Variants in SIAE observed in about 807,000 individuals in gnomAD.
SIAE encodes the protein sialate O-acetylesterase.
In SIAE, 39 loss-of-function variants were observed where a neutral mutation model predicts 52.6. The ratio of observed to expected loss-of-function variants is 0.74; its 90% CI spans 0.57 to 0.97. SIAE has a LOEUF of 0.97. Ranked by LOEUF, SIAE falls within the 50% of genes least tolerant of loss-of-function variation. SIAE has a pLI of 0.00. For missense variants in SIAE, 592 were observed against 662.1 expected (o/e 0.89, Z 1.16); for synonymous variants, 233 against 241.4 (o/e 0.97, Z 0.32).
Position 124,648,085 on chromosome 11 carries a change from T to C in SIAE, c.813A>G (p.Lys271=), listed in dbSNP as rs770002484. 1.3e-5 allele frequency: 21 copies of C among 1,613,732 alleles called. No homozygotes were observed. The highest frequency in any genetic ancestry group is 6.7e-5 in the Admixed American group (4 of 60,022). ...MIHPLCNMTL[K]GVVWYQGESN... is the part of the protein sequence containing the mutation. ...ACTTACCCTGGTACCATACTACCCC[T>C]TTCAGAGTCATATTGCACAGTGGAT... Residue 271 remains lysine, a synonymous_variant, in exon 6 of 10, where the codon AAA becomes AAG. Transcript: ENST00000263593.
Position 124,649,784 on chromosome 11 carries a change from T to G in SIAE, c.557A>C (p.His186Pro), listed in dbSNP as rs887491328. 3.7e-6 allele frequency: 6 copies of G among 1,614,054 alleles called. No individual in the cohort carries two copies. In the Admixed American group the frequency reaches 1.0e-4, roughly 27 times the overall value. ...TGCTGACATGTACTTGAAATATCCA[T>G]GGCCTAAGTTTTCTGTTCAGAGAAA... ...WSKPTSENLG[H>P]GYFKYMSAVC... The change falls in exon 5 of 10, where the codon CAT (histidine) becomes CCT (proline). Residue 186 changes from histidine to proline, a missense_variant. Physicochemically the swap from His to Pro is moderately conservative, Grantham distance 77 (BLOSUM62 -2). Transcript: ENST00000263593.
intron 7 of SIAE, among the ~76,000 whole-genome samples, chr11:124,643,380 G>A (rs909364620): frequency 1.3e-5 from 2 of 152,052 alleles, no homozygotes; most frequent in African/African-American, 2.4e-5. Flanking sequence ...CTTCCGACCC[G>A]ACTTACACTT....
intron 8 of SIAE, 112 bp downstream of exon 8, chr11:124,639,598 C>A: frequency 1.5e-6 from 2 of 1,366,334 alleles, no homozygotes; most frequent in Non-Finnish European, 2.1e-6. Flanking sequence ...CCCCAGCATA[C>A]GTGACTCTTA....
intron 5 of SIAE, among the ~76,000 whole-genome samples, 200 bp downstream of exon 5, chr11:124,649,419 C>CT (rs993234644): frequency 2.0e-4 from 30 of 151,252 alleles, no homozygotes; most frequent in South Asian, 4.2e-4. Flanking sequence ...GGAAAAGATA[C>CT]TTTTTTTTTA....
chr11:124,641,128 G>A (rs1258265735), intron 7 of SIAE, among the ~76,000 whole-genome samples: 1 of 152,184 alleles, frequency 6.6e-6, no homozygotes, highest in African/African-American at 2.4e-5. Context: ...TAAACATAAG[G>A]ATTGAATGGG....
At chr11:124,654,835 G>T in intron 3 of SIAE, 42 bp from the exon 4 acceptor site, 1 of 1,610,980 alleles carries the variant, frequency 6.2e-7, no homozygotes, top group South Asian at 1.1e-5. Flanking sequence ...AGCAGGTGGT[G>T]AACTAGCCTG....
chr11:124,675,306 A>G (rs1268440086), upstream of SIAE: 1 of 1,614,038 alleles, frequency 6.2e-7, no homozygotes, highest in African/African-American at 1.3e-5. Flanking sequence ...GAATTCCACA[A>G]GGATTTGGGA....
chr11:124,653,774 T>C (rs946844747), intron 4 of SIAE, among the ~76,000 whole-genome samples: 1 of 152,234 alleles, frequency 6.6e-6, no homozygotes, highest in African/African-American at 2.4e-5. Context: ...TGTTTTGTTT[T>C]ATTTTGTGAG....
In SIAE at chr11:124,636,851, T is replaced by TATTA. The variant is rs1942751292; in HGVS notation, c.*96_*99dup. The TATTA allele has an allele frequency of 5.2e-6, 8 of 1,545,136 alleles. No individual in the cohort carries two copies. Among genetic ancestry groups the TATTA allele is most frequent in the African/African-American group, 1.4e-5 (1 of 73,484 alleles). ...CTGAAAGCCATTCAATGAGGCTTTC[T>TATTA]ATTAATTTCCTTTAAAAGCAATGGT... On this transcript the variant is annotated 3_prime_UTR_variant, in exon 10 of 10. Transcript: ENST00000263593.
intron 7 of SIAE, among the ~76,000 whole-genome samples, chr11:124,640,706 A>C (rs1427922855): frequency 1.3e-5 from 2 of 152,178 alleles, no homozygotes; most frequent in African/African-American, 4.8e-5. Context: ...TCCCGTTAAC[A>C]GGACAAGTAT....
chr11:124,669,328 G>A lies in SIAE; in HGVS notation c.229+32C>T, dbSNP rs547668347. On this transcript the variant is annotated intron_variant, in intron 2 of 9. Coordinates refer to ENST00000263593, the MANE Select transcript of SIAE (RefSeq NM_170601.5). The stretch of plus-strand genomic sequence containing the variant: ...ATAATCCAGCAGGTGGCAGAAGAGG[G>A]CAATAGCTGAACGGAAGATGGGCTG... 22 of 1,613,596 alleles carry A rather than the reference G, an allele frequency of 1.4e-5. No individual in the cohort carries two copies. The South Asian group carries it at 2.3e-4, about 17-fold the overall frequency.
chr11:124,667,360 G>A (rs984790065), intron 2 of SIAE, among the ~76,000 whole-genome samples: 8 of 151,768 alleles, frequency 5.3e-5, no homozygotes, highest in Non-Finnish European at 7.4e-5. Flanking sequence ...CTTCCCTTTC[G>A]GTCTTTTAGT....
At chr11:124,674,491 C>G (rs7944163), upstream of SIAE, 4 of 152,320 alleles carry the variant, frequency 2.6e-5, no homozygotes, top group African/African-American at 9.7e-5. Flanking sequence ...ATTAACAGGC[C>G]AGGTCCCGGA....
chr11:124,673,769 C>T (rs574375184), upstream of SIAE: 8 of 1,582,856 alleles, frequency 5.1e-6, no homozygotes, highest in South Asian at 8.0e-5. Flanking sequence ...AGGGGCGGGG[C>T]CTGGGCGGGG....
chr11:124,654,373 C>A, intron 4 of SIAE: 1 of 985,280 alleles, frequency 1.0e-6, no homozygotes, highest in Non-Finnish European at 1.2e-6. Context: ...GTGAAGGCAT[C>A]GGCGAGAGAT....
In SIAE at chr11:124,635,065, T is replaced by G. The variant is rs1565404510; in HGVS notation, c.*1886A>C. ...CATAATCATTGCCTGAACCGTATTT[T>G]TCACACTATGTACTCTAGGTTCCTG... is the stretch of plus-strand genomic sequence containing the variant. On this transcript the variant is annotated 3_prime_UTR_variant, in exon 10 of 10. Coordinates refer to ENST00000263593, the MANE Select transcript of SIAE (RefSeq NM_170601.5). 6.6e-6 allele frequency: 1 copy of G among 152,360 alleles called. No homozygotes were observed. The highest frequency in any genetic ancestry group is 2.4e-5 in the African/African-American group (1 of 41,590). The allele number at this position is 152,360 out of a possible 1,614,324, so 9.4% of individuals were successfully genotyped here. A position where few individuals can be genotyped will look rare whatever the true frequency, so the allele number is the denominator to read the frequency against.
chr11:124,638,018 T>C (rs1030364549), intron 9 of SIAE, among the ~76,000 whole-genome samples: 3 of 152,176 alleles, frequency 2.0e-5, no homozygotes, highest in Non-Finnish European at 4.4e-5. Context: ...GAATAATCTT[T>C]CATCAATGGC....
chr11:124,656,547 A>G (rs59069622), intron 3 of SIAE, among the ~76,000 whole-genome samples: 16,159 of 152,220 alleles, frequency 0.11, 2,776 homozygotes, highest in African/African-American at 0.36. Flanking sequence ...GGTTTTCTGG[A>G]AAAGAATGTG....
intron 9 of SIAE, 132 bp from the exon 10 acceptor site, chr11:124,637,334 G>T: frequency 7.6e-7 from 1 of 1,308,078 alleles, no homozygotes; most frequent in Non-Finnish European, 1.1e-6. Context: ...CCTACAGTAA[G>T]CAGAACAAAC....
Sources: gnomAD v4.1 joint callset for allele counts (sites outside exome capture counted in the v4.1 genomes callset) on GRCh38, gnomAD v4.1.1 for gene constraint, MANE v1.5 for transcripts, NCBI Gene and HGNC (gene_info 2026-07-23, HGNC 2026-07-21) for gene names.